PRR11: variants seen among roughly 807,000 people sequenced by gnomAD.
The protein encoded by PRR11 is proline rich 11.
A neutral mutation model predicts 45.6 loss-of-function variants in PRR11; 30 were observed. The observed-to-expected ratio is 0.66, with a 90% CI of 0.49 to 0.89. The LOEUF is 0.89. Ranked by LOEUF, PRR11 falls within the 40% of genes least tolerant of loss-of-function variation. PRR11 has a pLI of 0.00. For missense variants in PRR11, 373 were observed against 424.8 expected, an observed-to-expected ratio of 0.88 and a Z score of 1.07; for synonymous variants, 128 against 153.5, an observed-to-expected ratio of 0.83 and a Z score of 1.23.
intron 1 of PRR11, among the ~76,000 whole-genome samples, chr17:59,168,063 A>G (rs1046267004): frequency 2.6e-5 from 4 of 151,662 alleles, no homozygotes; most frequent in Non-Finnish European, 5.9e-5. Context: ...ATCTTTCCCT[A>G]TTCCTCCTTC....
At chr17:59,180,519 G>GTTTTTTTT (rs71300619) in intron 2 of PRR11, among the ~76,000 whole-genome samples, 11 of 122,944 alleles carry the variant, frequency 8.9e-5, no homozygotes, top group South Asian at 2.5e-4. Flanking sequence ...TGTTTTTTTT[G>GTTTTTTTT]TTTTTTTTGC....
chr17:59,156,992 G>T (rs1010665394), intron 1 of PRR11, among the ~76,000 whole-genome samples: 1 of 152,190 alleles, frequency 6.6e-6, no homozygotes, highest in African/African-American at 2.4e-5. Flanking sequence ...TCCTGCAAAA[G>T]ACTGTAATTC....
intron 4 of PRR11, among the ~76,000 whole-genome samples, chr17:59,190,744 C>T (rs546595698): frequency 1.9e-4 from 29 of 152,338 alleles, no homozygotes; most frequent in Admixed American, 7.8e-4. Context: ...ACAGACTCTC[C>T]CTTTGCACTA....
At chr17:59,156,516 G>A (rs1298863909) in intron 1 of PRR11, among the ~76,000 whole-genome samples, 1 of 152,086 alleles carries the variant, frequency 6.6e-6, no homozygotes, top group Non-Finnish European at 1.5e-5. Flanking sequence ...TTAAGTAATT[G>A]AAGGCTATTT....
intron 9 of PRR11, among the ~76,000 whole-genome samples, chr17:59,198,100 C>G (rs1329566588): frequency 6.6e-6 from 1 of 152,080 alleles, no homozygotes; most frequent in Non-Finnish European, 1.5e-5. Context: ...GGTGACAAAG[C>G]AAGACCCTGT....
intron 2 of PRR11, chr17:59,179,628 C>T: frequency 1.1e-5 from 16 of 1,514,300 alleles, no homozygotes; most frequent in Non-Finnish European, 1.3e-5. Context: ...ATTGGAGGTG[C>T]TCTCTGGGGT....
At chr17:59,183,313 A>T (rs1371906641) in intron 2 of PRR11, among the ~76,000 whole-genome samples, 1 of 152,102 alleles carries the variant, frequency 6.6e-6, no homozygotes, top group African/African-American at 2.4e-5. Context: ...TTCTCTGTAC[A>T]TGCCCATTTC....
chr17:59,168,802 T>C (rs1041123957), intron 1 of PRR11, among the ~76,000 whole-genome samples: 1 of 152,200 alleles, frequency 6.6e-6, no homozygotes, highest in Non-Finnish European at 1.5e-5. Context: ...CCACAGCGTA[T>C]TAGAAAGAAC....
intron 1 of PRR11, among the ~76,000 whole-genome samples, chr17:59,164,541 T>C (rs2046669682): frequency 6.6e-6 from 1 of 151,970 alleles, no homozygotes; most frequent in African/African-American, 2.4e-5. Flanking sequence ...AAGGATCAGA[T>C]GGAAGACAAA....
In PRR11 at chr17:59,205,209, C is replaced by T. The variant is rs12784; in HGVS notation, c.*3578C>T. Reference sequence around the variant, plus strand: ...TGACAGATTTTATATTGTAACCATTCGAGAACTCTGTAAGTGCTATGGCTT... The same window carrying T: ...TGACAGATTTTATATTGTAACCATTTGAGAACTCTGTAAGTGCTATGGCTT... On this transcript the variant is annotated 3_prime_UTR_variant, in exon 10 of 10. Transcript: ENST00000262293. Among the ~76,000 whole-genome samples the T allele has an allele frequency of 8.5e-5, 13 of 152,156 alleles. No homozygotes were observed. Among genetic ancestry groups the T allele is most frequent in the African/African-American group, 1.2e-4 (5 of 41,522 alleles).
chr17:59,163,455 T>C (rs919345373), intron 1 of PRR11: 2 of 152,238 alleles, frequency 1.3e-5, no homozygotes, highest in African/African-American at 4.8e-5. Context: ...TCCTTTCTTA[T>C]ACAACTTTTT....
Position 59,202,449 on chromosome 17 carries a change from C to T in PRR11, c.*818C>T, listed in dbSNP as rs529295369. 10 of 152,062 alleles carry T rather than the reference C, an allele frequency of 6.6e-5. No individual in the cohort carries two copies. The East Asian group carries it at 1.9e-3, about 29-fold the overall frequency. The allele number at this position is 152,062 out of a possible 1,614,324, so 9.4% of individuals were successfully genotyped here. A position where few individuals can be genotyped will look rare whatever the true frequency, so the allele number is the denominator to read the frequency against. ...GCTGTGGTGACACATGCCTATAGTC[C>T]CAGCTACTTAGGAAGCTGAGAAGGG... On this transcript the variant is annotated 3_prime_UTR_variant, in exon 10 of 10. Coordinates refer to ENST00000262293, the MANE Select transcript of PRR11 (RefSeq NM_018304.4).
chr17:59,174,265 C>T (rs1224017752), intron 2 of PRR11, among the ~76,000 whole-genome samples: 1 of 152,182 alleles, frequency 6.6e-6, no homozygotes, highest in East Asian at 1.9e-4. Flanking sequence ...AAGAGCTAAA[C>T]TCGTAACCAT....
rs142979588 is a variant in PRR11, at chr17:59,169,869, C to T, written c.117C>T (p.Pro39=). The T allele has an allele frequency of 1.6e-5, 25 of 1,603,904 alleles. No homozygotes were observed. The African/African-American group carries it at 3.4e-4, about 22-fold the overall frequency. The change falls in exon 2 of 10, where the codon CCC becomes CCT. Residue 39 remains proline, a synonymous_variant. Coordinates refer to ENST00000262293, the MANE Select transcript of PRR11 (RefSeq NM_018304.4). The part of the protein sequence containing the change: ...SKLITPPPPP[P]SPERVGISSI... The stretch of plus-strand genomic sequence containing the variant: ...TAATTACACCTCCTCCTCCACCACC[C>T]TCACCAGAAAGGTAAGGCTTAATGT...
Position 59,193,739 on chromosome 17 carries a change from G to A in PRR11, c.645+5G>A. On this transcript the variant is annotated splice_donor_5th_base_variant and intron_variant, in intron 5 of 9. Coordinates refer to ENST00000262293, the MANE Select transcript of PRR11 (RefSeq NM_018304.4). Reference sequence around the variant, plus strand: ...AGTCTCGCTAAAGCACTTCAGGTAGGTAACAATCTAGTAATGATATGTTTT... The same window carrying A: ...AGTCTCGCTAAAGCACTTCAGGTAGATAACAATCTAGTAATGATATGTTTT... The A allele has an allele frequency of 1.2e-6, 2 of 1,613,014 alleles. No homozygotes were observed. Among genetic ancestry groups the A allele is most frequent in the Non-Finnish European group, 1.7e-6 (2 of 1,179,032 alleles).
rs532710550 is a variant in PRR11, at chr17:59,160,497, G to A, written c.-6+4692G>A. On this transcript the variant is annotated intron_variant, in intron 1 of 9. Transcript: ENST00000262293. ...TGTTTGCCAGTCTGGTCTCGAACTT[G>A]ACCTCAAGTGATCCATCCACCCACC... Among the ~76,000 whole-genome samples, 3 of 152,192 alleles carry A rather than the reference G, an allele frequency of 2.0e-5. No homozygotes were observed. In the East Asian group the frequency reaches 5.8e-4, roughly 29 times the overall value.
chr17:59,157,992 G>A (rs567989492), intron 1 of PRR11, among the ~76,000 whole-genome samples: 9 of 152,332 alleles, frequency 5.9e-5, no homozygotes, highest in African/African-American at 2.2e-4. Context: ...TTAGAGCTAA[G>A]TTGTGAAAAG....
chr17:59,196,739 A>G (rs994958911), intron 7 of PRR11, among the ~76,000 whole-genome samples: 2 of 152,086 alleles, frequency 1.3e-5, no homozygotes, highest in Admixed American at 6.6e-5. Context: ...AACTCTGTAC[A>G]TGGCTGAGTT....
chr17:59,183,979 C>A (rs1345038215), intron 2 of PRR11, among the ~76,000 whole-genome samples: 1 of 115,806 alleles, frequency 8.6e-6, no homozygotes, highest in Non-Finnish European at 1.7e-5. Context: ...TGGCTGGCAC[C>A]TTGTTCCAAC....
Sources: gnomAD v4.1 joint callset for allele counts (sites outside exome capture counted in the v4.1 genomes callset) on GRCh38, gnomAD v4.1.1 for gene constraint, MANE v1.5 for transcripts, NCBI Gene and HGNC (gene_info 2026-07-23, HGNC 2026-07-21) for gene names.